PIGZ: variants seen among roughly 807,000 people sequenced by gnomAD.
The protein encoded by PIGZ is GPI alpha-1,2-mannosyltransferase 4.
In PIGZ, 16 loss-of-function variants were observed where a neutral mutation model predicts 16.4. That is an observed-to-expected ratio of 0.97 (90% CI 0.66 to 1.48). The LOEUF is 1.48. Among genes scored for constraint, PIGZ ranks in the 40% most tolerant of loss-of-function variants. The probability of loss-of-function intolerance (pLI) is 0.00; values close to 1 mark genes in which losing one functional copy is unlikely to be tolerated. For missense variants in PIGZ, 770 were observed against 739.2 expected, an observed-to-expected ratio of 1.04 and a Z score of -0.48; for synonymous variants, 409 against 338.4, an observed-to-expected ratio of 1.21 and a Z score of -2.29.
chr3:196,952,699 C>T (rs552358597), intron 1 of PIGZ, among the ~76,000 whole-genome samples: 2 of 152,292 alleles, frequency 1.3e-5, no homozygotes, highest in African/African-American at 4.8e-5. Flanking sequence ...GCCTCCCAAA[C>T]TCCTGGGATT....
At chr3:196,966,050 A>ACTCC (rs1717912909) in intron 1 of PIGZ, among the ~76,000 whole-genome samples, 1 of 151,532 alleles carries the variant, frequency 6.6e-6, no homozygotes, top group African/African-American at 2.4e-5. Context: ...TCCCGCCTCC[A>ACTCC]CTCCTGTGTT....
At chr3:196,964,251 A>G (rs926599869) in intron 1 of PIGZ, among the ~76,000 whole-genome samples, 10 of 149,464 alleles carry the variant, frequency 6.7e-5, no homozygotes, top group Non-Finnish European at 1.2e-4. Flanking sequence ...AGGTTTCACC[A>G]TGTTAGCCAG....
Position 196,947,336 on chromosome 3 carries a change from C to G in PIGZ, c.1561G>C (p.Val521Leu), listed in dbSNP as rs916535169. The part of the protein sequence containing the change: ...AGGPWLCRLF[V>L]VTPGTTRRAV... ...CGCCTGGTGGTGCCAGGGGTTACCA[C>G]AAAGAGGCGGCAGAGCCATGGCCCA... Residue 521 changes from valine to leucine, a missense_variant, in exon 3 of 3, where the codon GTG (valine) becomes CTG (leucine). Coordinates refer to ENST00000412723, the MANE Select transcript of PIGZ (RefSeq NM_025163.4). 6.2e-7 allele frequency: 1 copy of G among 1,614,220 alleles called. No individual in the cohort carries two copies. Among genetic ancestry groups the G allele is most frequent in the East Asian group, 2.2e-5 (1 of 44,884 alleles).
chr3:196,960,348 G>A (rs1717659318), intron 1 of PIGZ, among the ~76,000 whole-genome samples: 1 of 152,124 alleles, frequency 6.6e-6, no homozygotes, highest in Non-Finnish European at 1.5e-5. Context: ...TAGCCAATAG[G>A]CCCTTAAGGA....
rs1560181196 is a variant in PIGZ at position 196,948,954 on chromosome 3, C to CTTCCT, written c.212-270_212-269insAGGAA. 1.9e-3 allele frequency among the ~76,000 whole-genome samples: 21 copies of CTTCCT among 11,030 alleles called. 4 individuals are homozygous for CTTCCT. Among genetic ancestry groups the CTTCCT allele is most frequent in the East Asian group, 0.016 (2 of 122 alleles). The allele number at this position is 11,030 out of a possible 152,430, so 7.2% of individuals were successfully genotyped here. ...CTTTACTTCCCTTCCTTCCCCTCCC[C>CTTCCT]TCCCTTCCTTCCCTTCCCCTCCCCT... On this transcript the variant is annotated intron_variant, in intron 2 of 2. Transcript: ENST00000412723.
chr3:196,955,576 CTTTT>C (rs56983600), intron 1 of PIGZ, among the ~76,000 whole-genome samples: 1 of 42,552 alleles, frequency 2.4e-5, no homozygotes, highest in Non-Finnish European at 4.3e-5. Flanking sequence ...TTCTTTCTTT[CTTTT>C]TTTTTTTTTT....
rs1200642019 is a variant in PIGZ at position 196,948,011 on chromosome 3, A to G, written c.886T>C (p.Phe296Leu). Residue 296 changes from phenylalanine to leucine, a missense_variant, in exon 3 of 3, where the codon TTC (phenylalanine) becomes CTC (leucine). By Grantham distance (22) the Phe-to-Leu change is conservative. Coordinates refer to ENST00000412723, the MANE Select transcript of PIGZ (RefSeq NM_025163.4). Reference protein sequence around the residue: ...SRNLVLTPVNFLHYNLNPQNL... With the variant: ...SRNLVLTPVNLLHYNLNPQNL... ...TGGGGATTCAGGTTGTAGTGCAAGA[A>G]GTTGACAGGTGTCAGGACAAGGTTC... is the stretch of plus-strand genomic sequence containing the variant. The G allele has an allele frequency of 1.3e-6, 2 of 1,596,018 alleles. No individual in the cohort carries two copies. Among genetic ancestry groups the G allele is most frequent in the African/African-American group, 2.7e-5 (2 of 74,484 alleles).
intron 1 of PIGZ, among the ~76,000 whole-genome samples, chr3:196,956,512 C>G (rs1717495348): frequency 6.6e-6 from 1 of 152,212 alleles, no homozygotes; most frequent in African/African-American, 2.4e-5. Context: ...AATTATCTCC[C>G]ACCAGGTCCC....
chr3:196,964,107 G>T (rs1027416134), intron 1 of PIGZ, among the ~76,000 whole-genome samples: 1 of 151,916 alleles, frequency 6.6e-6, no homozygotes, highest in Non-Finnish European at 1.5e-5. Flanking sequence ...CTGGAGTGCA[G>T]TGGTGCAATC....
intron 2 of PIGZ, among the ~76,000 whole-genome samples, chr3:196,951,057 T>C (rs1465555473): frequency 6.6e-6 from 1 of 152,226 alleles, no homozygotes; most frequent in Non-Finnish European, 1.5e-5. Flanking sequence ...CTTTGACTCT[T>C]TTTCTGGGCA....
chr3:196,948,508 C>T lies in PIGZ; in HGVS notation c.389G>A (p.Arg130Gln), dbSNP rs771994062. ...VSGYALLVGP[R>Q]LLLTALSFAL... Reference sequence around the variant, plus strand: ...AAAGGAAAGGGCAGTGAGGAGGAGTCGAGGCCCCACCAGCAGCGCATAGCC... The same window carrying T: ...AAAGGAAAGGGCAGTGAGGAGGAGTTGAGGCCCCACCAGCAGCGCATAGCC... The change falls in exon 3 of 3, where the codon CGA becomes CAA. Residue 130 changes from arginine to glutamine, a missense_variant. Arg to Gln is a conservative substitution (Grantham distance 43, BLOSUM62 1). Coordinates refer to ENST00000412723, the MANE Select transcript of PIGZ (RefSeq NM_025163.4). The T allele has an allele frequency of 1.2e-5, 19 of 1,612,362 alleles. No individual in the cohort carries two copies. Among genetic ancestry groups the T allele is most frequent in the Non-Finnish European group, 1.5e-5 (18 of 1,179,286 alleles).
At chr3:196,963,111 C>T (rs187643082) in intron 1 of PIGZ, among the ~76,000 whole-genome samples, 4 of 152,288 alleles carry the variant, frequency 2.6e-5, no homozygotes, top group Non-Finnish European at 4.4e-5. Context: ...GTGGTTCGTC[C>T]GTGTTGTAGC....
rs559647950 is a variant in PIGZ at position 196,950,778 on chromosome 3, TC to T, written c.211+1042del. Among the ~76,000 whole-genome samples the T allele has an allele frequency of 4.2e-3, 626 of 147,990 alleles. 4 individuals carry two copies. Among genetic ancestry groups the T allele is most frequent in the African/African-American group, 0.015 (594 of 39,912 alleles). On this transcript the variant is annotated intron_variant, in intron 2 of 2. Coordinates refer to ENST00000412723, the MANE Select transcript of PIGZ (RefSeq NM_025163.4). ...TTCTTTTTTTGAGATGGAGTCTCGCTCTGTTGCCCAGGCTGAAGTGCAGTGG... is the reference window on the plus strand; with the variant it reads ...TTCTTTTTTTGAGATGGAGTCTCGCTTGTTGCCCAGGCTGAAGTGCAGTGG...
At chr3:196,968,492 A>T (rs552811635) in intron 1 of PIGZ, among the ~76,000 whole-genome samples, 195 bp downstream of exon 1, 1 of 152,276 alleles carries the variant, frequency 6.6e-6, no homozygotes, top group African/African-American at 2.4e-5. Flanking sequence ...CAGTGCTTCG[A>T]GCCAGCGGAC....
chr3:196,949,305 G>A (rs1188489290), intron 2 of PIGZ, among the ~76,000 whole-genome samples: 1 of 152,022 alleles, frequency 6.6e-6, no homozygotes, highest in Non-Finnish European at 1.5e-5. Context: ...CTATGCAGTG[G>A]GCCGGACCTA....
In PIGZ at chr3:196,948,005, G is replaced by A. The variant is rs756073392; in HGVS notation, c.892C>T (p.His298Tyr). 3 of 1,600,764 alleles carry A rather than the reference G, an allele frequency of 1.9e-6. No homozygotes were observed. Among genetic ancestry groups the A allele is most frequent in the South Asian group, 2.2e-5 (2 of 90,010 alleles). ...NLVLTPVNFL[H>Y]YNLNPQNLAR... is the part of the protein sequence containing the mutation. ...AGGTTTTGGGGATTCAGGTTGTAGT[G>A]CAAGAAGTTGACAGGTGTCAGGACA... Residue 298 changes from histidine to tyrosine, a missense_variant, in exon 3 of 3, where the codon CAC becomes TAC. Physicochemically the swap from His to Tyr is moderately conservative, Grantham distance 83. Transcript: ENST00000412723.
At position 196,966,267 on chromosome 3, in the gene PIGZ, A is replaced by G. The variant is rs1002221380; in HGVS notation, c.-1+2420T>C. ...CACTTGTTCATGGTGAAAGCACTCA[A>G]TCTCTCTGAACCCCAATTTATACCT... is the stretch of plus-strand genomic sequence containing the variant. On this transcript the variant is annotated intron_variant, in intron 1 of 2. Transcript: ENST00000412723. Among the ~76,000 whole-genome samples, 5 of 152,200 alleles carry G rather than the reference A, an allele frequency of 3.3e-5. No homozygotes were observed. The East Asian group carries it at 5.8e-4, about 18-fold the overall frequency.
chr3:196,950,255 G>A (rs535972323), intron 2 of PIGZ, among the ~76,000 whole-genome samples: 86 of 152,342 alleles, frequency 5.6e-4, no homozygotes, highest in African/African-American at 2.0e-3. Context: ...GAAGTGCTGG[G>A]ATTACAGGCG....
intron 1 of PIGZ, among the ~76,000 whole-genome samples, chr3:196,959,781 C>T (rs1233158365): frequency 6.6e-6 from 1 of 152,192 alleles, no homozygotes; most frequent in African/African-American, 2.4e-5. Context: ...TCAGGCCCCC[C>T]ACACTGCCTG....
Sources: gnomAD v4.1 joint callset for allele counts (sites outside exome capture counted in the v4.1 genomes callset) on GRCh38, gnomAD v4.1.1 for gene constraint, MANE v1.5 for transcripts, NCBI Gene and HGNC (gene_info 2026-07-23, HGNC 2026-07-21) for gene names.